The following NEMP2 variants were observed in gnomAD, a reference collection of about 807,000 sequenced individuals.
NEMP2 encodes nuclear envelope integral membrane protein 2, also known as UPF0571 transmembrane protein.
Under a neutral mutation model 54.2 loss-of-function variants are expected in NEMP2, and 53 were observed. That is an observed-to-expected ratio of 0.98 (90% CI 0.78 to 1.23). NEMP2 has a LOEUF of 1.23. Ranked by LOEUF, NEMP2 falls within the 50% of genes most tolerant of loss-of-function variation. The probability of loss-of-function intolerance (pLI) is 0.00; values close to 1 mark genes in which losing one functional copy is unlikely to be tolerated. For synonymous variants in NEMP2, 197 were observed against 190.3 expected (o/e 1.04, Z -0.29); for missense variants, 455 against 511.3 (o/e 0.89, Z 1.06).
chr2:190,497,706 T>C, the NEMP2 span: 1 of 1,613,374 alleles, frequency 6.2e-7, no homozygotes, highest in South Asian at 1.1e-5. This position sits in a 1 kb window ranked among gnomAD's most constrained non-coding sequence, Gnocchi z 5.2. Flanking sequence ...GCTTCTGAGA[T>C]ACAGCCTTTA....
chr2:190,487,160 G>A, the NEMP2 span, among the ~76,000 whole-genome samples: 1 of 152,054 alleles, frequency 6.6e-6, no homozygotes, highest in Non-Finnish European at 1.5e-5. The surrounding 1 kb of genome is among the most constrained non-coding windows in gnomAD (Gnocchi z 5.5). Flanking sequence ...GGCCAACGTG[G>A]TGAAACCCTG....
At chr2:190,436,946 T>C in the NEMP2 span, 1 of 1,614,196 alleles carries the variant, frequency 6.2e-7, no homozygotes, top group Non-Finnish European at 8.5e-7. The surrounding 1 kb of genome is among the most constrained non-coding windows in gnomAD (Gnocchi z 5.3). Context: ...GCCTCTTCTG[T>C]CACAATCGTA....
chr2:190,520,951 G>A lies in NEMP2; in HGVS notation c.214-1768C>T, dbSNP rs1690732093. ...ATCAATTATTATACACCATTCCCTG[G>A]CACATACCCTTGACTCCTTTGTACC... On this transcript the variant is annotated intron_variant, in intron 2 of 8. Coordinates refer to ENST00000409150, the MANE Select transcript of NEMP2 (RefSeq NM_001142645.2). The surrounding 1 kb of genome is among the most constrained non-coding windows in gnomAD (Gnocchi z 5.4). Among the ~76,000 whole-genome samples the A allele has an allele frequency of 6.6e-6, 1 of 151,908 alleles. No individual in the cohort carries two copies. The highest frequency in any genetic ancestry group is 6.6e-5 in the Admixed American group (1 of 15,256).
In NEMP2 at chr2:190,525,363, G is replaced by C. The variant is rs1407836367; in HGVS notation, c.113C>G (p.Ala38Gly). The change falls in exon 2 of 9, where the codon GCT becomes GGT. Residue 38 changes from alanine to glycine, a missense_variant. This residue lies in a region of NEMP2 where 100 missense variants were observed against 80.2 expected (regional missense o/e 1.25). Coordinates refer to ENST00000409150, the MANE Select transcript of NEMP2 (RefSeq NM_001142645.2). This position sits in a 1 kb window ranked among gnomAD's most constrained non-coding sequence, Gnocchi z 5.0. Reference protein sequence around the residue: ...AAALSVRRCKALKEKDLIRTS... With the variant: ...AAALSVRRCKGLKEKDLIRTS... ...TCTAATTAAATCTTTTTCCTTCAAA[G>C]CTTTACACCTACGAACTGAGAGATG... 3 of 1,536,602 alleles carry C rather than the reference G, an allele frequency of 2.0e-6. No individual in the cohort carries two copies. The highest frequency in any genetic ancestry group is 2.6e-6 in the Non-Finnish European group (3 of 1,134,444).
At chr2:190,455,202 T>C in the NEMP2 span, among the ~76,000 whole-genome samples, 3 of 152,160 alleles carry the variant, frequency 2.0e-5, no homozygotes, top group South Asian at 2.1e-4. Flanking sequence ...ACTAGTATCA[T>C]TGCTATTTTA....
chr2:190,599,059 T>C, the NEMP2 span, among the ~76,000 whole-genome samples: 84 of 152,350 alleles, frequency 5.5e-4, no homozygotes, highest in Non-Finnish European at 1.0e-3. Flanking sequence ...GTGCCAACTT[T>C]AAGCAGATTT....
chr2:190,435,791 T>C, the NEMP2 span: 1 of 474,420 alleles, frequency 2.1e-6, no homozygotes. Context: ...CCATAAAGAG[T>C]ATTCGATTTT....
intron 1 of NEMP2, chr2:190,534,316 C>G (rs889461354): frequency 8.4e-7 from 1 of 1,185,890 alleles, no homozygotes; most frequent in African/African-American, 1.6e-5. Flanking sequence ...GCGACTGGAT[C>G]GCGCGGTTGC....
At chr2:190,474,599 A>T in the NEMP2 span, among the ~76,000 whole-genome samples, 1 of 152,224 alleles carries the variant, frequency 6.6e-6, no homozygotes, top group Admixed American at 6.5e-5. Context: ...AAAAAAGTCC[A>T]GGACCAGATG....
Position 190,521,619 on chromosome 2 carries a change from T to C in NEMP2, c.214-2436A>G, listed in dbSNP as rs181405645. 2.5e-3 allele frequency among the ~76,000 whole-genome samples: 382 copies of C among 152,328 alleles called. 2 individuals are homozygous for C. Among genetic ancestry groups the C allele is most frequent in the African/African-American group, 8.8e-3 (367 of 41,568 alleles). Reference sequence around the variant, plus strand: ...TAAAAAGCTGCCTGTGCCTGCAGTCTCTAGTTCCTCTCCTTCCATTCTCCC... The same window carrying C: ...TAAAAAGCTGCCTGTGCCTGCAGTCCCTAGTTCCTCTCCTTCCATTCTCCC... On this transcript the variant is annotated intron_variant, in intron 2 of 8. Coordinates refer to ENST00000409150, the MANE Select transcript of NEMP2 (RefSeq NM_001142645.2). The surrounding 1 kb of genome is among the most constrained non-coding windows in gnomAD (Gnocchi z 6.2).
At chr2:190,594,880 A>G in the NEMP2 span, among the ~76,000 whole-genome samples, 1 of 152,252 alleles carries the variant, frequency 6.6e-6, no homozygotes, top group African/African-American at 2.4e-5. The surrounding 1 kb of genome is among the most constrained non-coding windows in gnomAD (Gnocchi z 5.6). Context: ...TGTGTAAAAA[A>G]TACAGAGAGG....
the NEMP2 span, among the ~76,000 whole-genome samples, chr2:190,449,437 G>A: frequency 3.3e-5 from 5 of 151,884 alleles, no homozygotes; most frequent in Non-Finnish European, 7.4e-5. Context: ...TGGCACCACT[G>A]CACACCCGCC....
intron 1 of NEMP2, 194 bp downstream of exon 1, chr2:190,534,364 CG>C (rs1333455750): frequency 8.3e-7 from 1 of 1,205,038 alleles, no homozygotes; most frequent in African/African-American, 1.6e-5. Context: ...AACTGCCAGG[CG>C]AGAGACTACG....
chr2:190,536,436 T>C (rs1691380676), upstream of NEMP2, among the ~76,000 whole-genome samples: 1 of 152,176 alleles, frequency 6.6e-6, no homozygotes, highest in African/African-American at 2.4e-5. Flanking sequence ...AGTTGGCTAC[T>C]GCTGGGAAAC....
the NEMP2 span, among the ~76,000 whole-genome samples, chr2:190,647,996 G>A: frequency 6.6e-6 from 1 of 152,136 alleles, no homozygotes; most frequent in Non-Finnish European, 1.5e-5. Flanking sequence ...TTACAGGCGT[G>A]AGCCCTGGCC....
chr2:190,437,372 G>A, the NEMP2 span: 1 of 1,614,236 alleles, frequency 6.2e-7, no homozygotes, highest in Non-Finnish European at 8.5e-7. The surrounding 1 kb of genome is among the most constrained non-coding windows in gnomAD (Gnocchi z 5.9). Flanking sequence ...GTGCAGTATG[G>A]CTCAGTGCTG....
At chr2:190,556,074 C>T in the NEMP2 span, among the ~76,000 whole-genome samples, 2 of 152,156 alleles carry the variant, frequency 1.3e-5, no homozygotes, top group Non-Finnish European at 2.9e-5. Context: ...TGCGAAAATC[C>T]TCCATAAAAT....
At chr2:190,622,687 T>C in the NEMP2 span, among the ~76,000 whole-genome samples, 1 of 152,020 alleles carries the variant, frequency 6.6e-6, no homozygotes, top group African/African-American at 2.4e-5. Context: ...TGTGCTTCAA[T>C]AAAGGGAAAG....
the NEMP2 span, among the ~76,000 whole-genome samples, chr2:190,434,700 G>A: frequency 6.6e-6 from 1 of 152,160 alleles, no homozygotes; most frequent in Admixed American, 6.5e-5. This position sits in a 1 kb window ranked among gnomAD's most constrained non-coding sequence, Gnocchi z 4.3. Context: ...CCAAAGTGCT[G>A]GGATTACAGG....
Sources: allele counts gnomAD v4.1 joint callset (sites outside exome capture counted in the v4.1 genomes callset), GRCh38; gene constraint gnomAD v4.1.1; regional missense constraint gnomAD v4.1.1; non-coding constraint Gnocchi (gnomAD v3.1); transcripts MANE v1.5; gene names NCBI Gene and HGNC (gene_info 2026-07-23, HGNC 2026-07-21).